ADGRV1: variants seen among roughly 807,000 people sequenced by gnomAD.
ADGRV1 encodes the protein G-protein coupled receptor 98.
Under a neutral mutation model 596.2 loss-of-function variants are expected in ADGRV1, and 359 were observed. That is an observed-to-expected ratio of 0.60 (90% CI 0.55 to 0.66). The LOEUF (loss-of-function observed/expected upper bound fraction) is 0.66, where lower values mean the gene tolerates loss of function less well. Among genes scored for constraint, ADGRV1 ranks in the 30% least tolerant of loss-of-function variants. ADGRV1 has a pLI of 0.00. For synonymous variants in ADGRV1, 2,681 were observed against 2,679.2 expected (o/e 1.00, Z -0.02); for missense variants, 7,274 against 7,575.6 (o/e 0.96, Z 1.48).
intron 83 of ADGRV1, among the ~76,000 whole-genome samples, chr5:90,936,292 TCACA>T (rs1023804401): frequency 6.6e-6 from 1 of 151,874 alleles, no homozygotes; most frequent in Non-Finnish European, 1.5e-5. Flanking sequence ...TTCTCCTCTC[TCACA>T]CACACACATA....
chr5:91,002,969 A>G (rs1156658210), intron 85 of ADGRV1, among the ~76,000 whole-genome samples: 1 of 152,174 alleles, frequency 6.6e-6, no homozygotes, highest in East Asian at 1.9e-4. Flanking sequence ...AATGAAATAT[A>G]TGGAAAATGT....
intron 84 of ADGRV1, among the ~76,000 whole-genome samples, chr5:90,968,865 T>C (rs960211305): frequency 2.0e-5 from 3 of 152,222 alleles, no homozygotes; most frequent in African/African-American, 7.2e-5. Flanking sequence ...GCGAATATGA[T>C]ACTACATATG....
At chr5:90,910,575 CTAT>C (rs1470186906) in intron 83 of ADGRV1, among the ~76,000 whole-genome samples, 5 of 80,212 alleles carry the variant, frequency 6.2e-5, no homozygotes, top group African/African-American at 1.8e-4. Flanking sequence ...ATCTATCTAT[CTAT>C]CTATCTATCT....
intron 83 of ADGRV1, among the ~76,000 whole-genome samples, chr5:90,934,392 CG>C (rs1261529607): frequency 2.6e-5 from 4 of 152,254 alleles, no homozygotes; most frequent in Admixed American, 1.3e-4. Context: ...TTGGTTATTT[CG>C]GAACATTATT....
rs1212449627 is a variant in ADGRV1 at position 90,633,471 on chromosome 5, T to C, written c.1840-1643T>C. ...TTTTGAATATACAGCAATGACAATG[T>C]TCATTCACGAATGTGTGCTTGGTCA... On this transcript the variant is annotated intron_variant, in intron 9 of 89. Coordinates refer to ENST00000405460, the MANE Select transcript of ADGRV1 (RefSeq NM_032119.4). Among the ~76,000 whole-genome samples the C allele has an allele frequency of 3.9e-5, 6 of 152,160 alleles. No individual in the cohort carries two copies. The South Asian group carries it at 6.2e-4, about 16-fold the overall frequency.
intron 1 of ADGRV1, among the ~76,000 whole-genome samples, chr5:90,577,454 C>G (rs1757381926): frequency 6.6e-6 from 1 of 152,156 alleles, no homozygotes; most frequent in African/African-American, 2.4e-5. Flanking sequence ...TCTGAGGCCT[C>G]TTTTCTGTGC....
Position 90,912,895 on chromosome 5 carries a change from A to G in ADGRV1, c.17856+49038A>G, listed in dbSNP as rs574254574. ...CATCATCTTTTGCTCAAAGTTAATT[A>G]AGTCCACTTCTCAATCCTATATTTT... On this transcript the variant is annotated intron_variant, in intron 83 of 89. Transcript: ENST00000405460. 3.3e-5 allele frequency among the ~76,000 whole-genome samples: 5 copies of G among 152,258 alleles called. No homozygotes were observed. The East Asian group carries it at 9.6e-4, about 29-fold the overall frequency.
chr5:90,909,875 CA>C (rs1257450292), intron 83 of ADGRV1, among the ~76,000 whole-genome samples: 2 of 151,620 alleles, frequency 1.3e-5, no homozygotes, highest in Non-Finnish European at 2.9e-5. Context: ...ACAGAAGAAA[CA>C]AAAAAACCAA....
intron 67 of ADGRV1, among the ~76,000 whole-genome samples, chr5:90,786,768 G>C (rs1252462221): frequency 1.3e-5 from 2 of 152,160 alleles, no homozygotes; most frequent in African/African-American, 4.8e-5. Flanking sequence ...TAATTTGTAG[G>C]GTTGTTTACT....
chr5:91,118,011 G>C (rs1248771809), intron 87 of ADGRV1, among the ~76,000 whole-genome samples: 1 of 152,144 alleles, frequency 6.6e-6, no homozygotes, highest in East Asian at 1.9e-4. Context: ...TTGCTATCTA[G>C]TGTTATTTGT....
intron 50 of ADGRV1, among the ~76,000 whole-genome samples, chr5:90,739,945 C>T (rs1561635372): frequency 6.6e-6 from 1 of 152,090 alleles, no homozygotes; most frequent in Non-Finnish European, 1.5e-5. Flanking sequence ...GACATTCACA[C>T]ACATGCACAT....
chr5:90,693,137 G>GTTTTTTTTTTCT (rs59588885), intron 32 of ADGRV1, among the ~76,000 whole-genome samples: 84,649 of 131,176 alleles, frequency 0.65, 26,049 homozygotes, highest in East Asian at 0.75. Context: ...TTCCAGGTCT[G>GTTTTTTTTTTCT]TTTTTTTTTT....
intron 85 of ADGRV1, among the ~76,000 whole-genome samples, chr5:91,070,492 T>C (rs1292968752): frequency 6.6e-6 from 1 of 152,190 alleles, no homozygotes; most frequent in Non-Finnish European, 1.5e-5. Flanking sequence ...CTTCTTACTA[T>C]TAAGGTTTCT....
chr5:91,143,663 G>T (rs1206779247), intron 87 of ADGRV1, among the ~76,000 whole-genome samples: 1 of 152,162 alleles, frequency 6.6e-6, no homozygotes, highest in Non-Finnish European at 1.5e-5. Context: ...GGTGGGCCTA[G>T]AAAAAGCACC....
intron 87 of ADGRV1, among the ~76,000 whole-genome samples, chr5:91,121,191 G>C (rs1255828330): frequency 6.6e-6 from 1 of 151,966 alleles, no homozygotes; most frequent in Non-Finnish European, 1.5e-5. Context: ...AAATAAAAAA[G>C]GAAAGTACAG....
intron 83 of ADGRV1, among the ~76,000 whole-genome samples, chr5:90,906,809 G>A (rs913486890): frequency 1.3e-5 from 2 of 151,998 alleles, no homozygotes; most frequent in Non-Finnish European, 2.9e-5. Flanking sequence ...TCTTTAAGGT[G>A]CATCATTAGG....
At chr5:90,632,246 A>G (rs1435469161) in intron 9 of ADGRV1, among the ~76,000 whole-genome samples, 1 of 152,184 alleles carries the variant, frequency 6.6e-6, no homozygotes, top group Non-Finnish European at 1.5e-5. Flanking sequence ...GGAATGAGAC[A>G]GAGATTTTTA....
chr5:90,693,137 G>GTTTTTTTTTTTTTTTTTTTTTTTT (rs138813234), intron 32 of ADGRV1, among the ~76,000 whole-genome samples: 2 of 131,758 alleles, frequency 1.5e-5, no homozygotes, highest in African/African-American at 2.9e-5. Flanking sequence ...TTCCAGGTCT[G>GTTTTTTTTTTTTTTTTTTTTTTTT]TTTTTTTTTT....
intron 38 of ADGRV1, 28 bp downstream of exon 38, chr5:90,706,422 A>AG: frequency 6.7e-7 from 1 of 1,493,056 alleles, no homozygotes; most frequent in Non-Finnish European, 9.0e-7. Context: ...TTTTAATCTT[A>AG]GGGGGAGATA....
Sources: allele counts gnomAD v4.1 joint callset (sites outside exome capture counted in the v4.1 genomes callset), GRCh38; gene constraint gnomAD v4.1.1; transcripts MANE v1.5; gene names NCBI Gene and HGNC (gene_info 2026-07-23, HGNC 2026-07-21).